The following EYS variants were observed in gnomAD, a reference collection of about 807,000 sequenced individuals.
EYS encodes EGF-like photoreceptor maintenance factor, also known as protein eyes shut homolog.
In EYS, 250 loss-of-function variants were observed where a neutral mutation model predicts 282.1. That is an observed-to-expected ratio of 0.89 (90% CI 0.80 to 0.98). The LOEUF (loss-of-function observed/expected upper bound fraction) is 0.98, where lower values mean the gene tolerates loss of function less well. Ranked by LOEUF, EYS falls within the 50% of genes least tolerant of loss-of-function variation. EYS has a pLI of 0.00. For missense variants in EYS, 4,016 were observed against 3,709.0 expected, an observed-to-expected ratio of 1.08 and a Z score of -2.15; for synonymous variants, 1,355 against 1,282.9, an observed-to-expected ratio of 1.06 and a Z score of -1.20.
chr6:65,335,708 C>G (rs1271806673), intron 10 of EYS, among the ~76,000 whole-genome samples: 3 of 151,756 alleles, frequency 2.0e-5, no homozygotes, highest in Non-Finnish European at 2.9e-5. Flanking sequence ...TCCCCACAAA[C>G]TTGCTGAATA....
At chr6:63,736,461 C>G (rs564532924) in intron 41 of EYS, among the ~76,000 whole-genome samples, 2 of 151,996 alleles carry the variant, frequency 1.3e-5, no homozygotes, top group East Asian at 1.9e-4. Flanking sequence ...TGTTTTGGTA[C>G]CAGTACCATG....
At chr6:65,426,165 G>A (rs986595318) in intron 5 of EYS, among the ~76,000 whole-genome samples, 1 of 151,948 alleles carries the variant, frequency 6.6e-6, no homozygotes, top group Non-Finnish European at 1.5e-5. Flanking sequence ...ATTTTTTGGA[G>A]GTGGGTTCTT....
chr6:63,813,179 CGT>C (rs1771092695), intron 36 of EYS, among the ~76,000 whole-genome samples: 1 of 151,980 alleles, frequency 6.6e-6, no homozygotes, highest in Non-Finnish European at 1.5e-5. Flanking sequence ...GGGGTTTCAC[CGT>C]GTTGCCCAGG....
chr6:64,233,341 G>A (rs1043696273), intron 30 of EYS, among the ~76,000 whole-genome samples: 3 of 151,908 alleles, frequency 2.0e-5, no homozygotes, highest in Admixed American at 1.3e-4. Flanking sequence ...TTTATTTTTG[G>A]AAGTTATAGA....
intron 31 of EYS, among the ~76,000 whole-genome samples, chr6:64,124,890 T>C (rs976804379): frequency 6.6e-6 from 1 of 152,156 alleles, no homozygotes; most frequent in Non-Finnish European, 1.5e-5. Context: ...TAAAGCTGAT[T>C]TAACCTCAGT....
chr6:64,928,513 A>G (rs13209160), intron 15 of EYS, among the ~76,000 whole-genome samples: 46,583 of 151,922 alleles, frequency 0.31, 8,636 homozygotes, highest in Admixed American at 0.43. Context: ...ATGGCTTTCA[A>G]TTCATTTCTA....
At chr6:63,898,081 A>G (rs1042262897) in intron 35 of EYS, among the ~76,000 whole-genome samples, 6 of 152,206 alleles carry the variant, frequency 3.9e-5, no homozygotes, top group African/African-American at 1.4e-4. Context: ...TGGCAATTAC[A>G]TCATTTTCGA....
At chr6:65,057,268 T>G (rs1773444794) in intron 13 of EYS, among the ~76,000 whole-genome samples, 1 of 152,056 alleles carries the variant, frequency 6.6e-6, no homozygotes, top group Admixed American at 6.6e-5. Context: ...AGAGAAAACT[T>G]GACAATTTCA....
chr6:64,856,843 C>T (rs373719072), intron 19 of EYS, among the ~76,000 whole-genome samples: 9 of 152,092 alleles, frequency 5.9e-5, no homozygotes, highest in African/African-American at 2.2e-4. Context: ...CATGCCAACC[C>T]TAGGTAACTT....
chr6:64,118,053 A>C (rs568002186), intron 31 of EYS, among the ~76,000 whole-genome samples: 1 of 152,238 alleles, frequency 6.6e-6, no homozygotes, highest in African/African-American at 2.4e-5. Flanking sequence ...GGACACAAAG[A>C]GATGGAAGGC....
At chr6:63,863,972 C>A (rs1221752016) in intron 36 of EYS, among the ~76,000 whole-genome samples, 2 of 152,134 alleles carry the variant, frequency 1.3e-5, no homozygotes, top group African/African-American at 4.8e-5. Context: ...CTGTACCTAG[C>A]CACCACTTTT....
intron 34 of EYS, among the ~76,000 whole-genome samples, chr6:63,996,098 TA>T (rs1430205225): frequency 1.3e-5 from 2 of 152,028 alleles, no homozygotes; most frequent in African/African-American, 4.8e-5. Context: ...AAATATATAA[TA>T]AAAAAGGAAA....
rs61575285 is a variant in EYS, at chr6:64,151,317, TTATATATATATATA to T, written c.6425-69329_6425-69316del. ...TTTTCACACGTGTGTGTGTGTATATTTATATATATATATATATATATATATATATATATATATAT... is the reference window on the plus strand; with the variant it reads ...TTTTCACACGTGTGTGTGTGTATATTTATATATATATATATATATATATAT... On this transcript the variant is annotated intron_variant, in intron 31 of 42. Transcript: ENST00000503581. Among the ~76,000 whole-genome samples, 241 of 52,444 alleles carry T rather than the reference TTATATATATATATA, an allele frequency of 4.6e-3. 4 individuals are homozygous for T. Among genetic ancestry groups the T allele is most frequent in the African/African-American group, 0.011 (119 of 10,656 alleles). 34.4% of individuals were successfully genotyped at this position (52,444 alleles called of 152,430 possible). A position where few individuals can be genotyped will look rare whatever the true frequency, so the allele number is the denominator to read the frequency against.
intron 35 of EYS, among the ~76,000 whole-genome samples, chr6:63,892,180 A>C (rs1238726014): frequency 6.6e-6 from 1 of 152,238 alleles, no homozygotes; most frequent in East Asian, 1.9e-4. Flanking sequence ...ATTTGATGCT[A>C]TTCCCATCAA....
At chr6:65,501,468 G>A (rs908101422) in intron 2 of EYS, among the ~76,000 whole-genome samples, 2 of 151,608 alleles carry the variant, frequency 1.3e-5, no homozygotes, top group African/African-American at 4.8e-5. Flanking sequence ...CTACATTTAA[G>A]AAAAACACCT....
intron 26 of EYS, among the ~76,000 whole-genome samples, chr6:64,483,974 G>A (rs1011753127): frequency 6.6e-6 from 1 of 151,658 alleles, no homozygotes; most frequent in Non-Finnish European, 1.5e-5. Context: ...ACTTTTGTAG[G>A]TGGGCATTAA....
At chr6:64,646,813 A>G (rs1196183640) in intron 22 of EYS, among the ~76,000 whole-genome samples, 1 of 152,018 alleles carries the variant, frequency 6.6e-6, no homozygotes, top group East Asian at 1.9e-4. Flanking sequence ...TAAAAGAAAA[A>G]AAAAAAAAAA....
At chr6:65,181,607 G>T (rs1049265610) in intron 12 of EYS, among the ~76,000 whole-genome samples, 2 of 152,162 alleles carry the variant, frequency 1.3e-5, no homozygotes, top group African/African-American at 4.8e-5. Context: ...CACACTGTTG[G>T]TGGGACTGTA....
In EYS at chr6:64,071,591, TAAAG is replaced by T. The variant is rs777822512; in HGVS notation, c.6572-5104_6572-5101del. The stretch of plus-strand genomic sequence containing the variant: ...TAACAAAGAAAAATCAGCTAAATCT[TAAAG>T]AATAATTTTTAAAAGGGTATATAAA... On this transcript the variant is annotated intron_variant, in intron 32 of 42. Coordinates refer to ENST00000503581, the MANE Select transcript of EYS (RefSeq NM_001142800.2). Among the ~76,000 whole-genome samples, 224 of 149,794 alleles carry T rather than the reference TAAAG, an allele frequency of 1.5e-3. 1 individual carries two copies. The highest frequency in any genetic ancestry group is 2.7e-3 in the Non-Finnish European group (179 of 67,214).
Sources: gnomAD v4.1 joint callset for allele counts (sites outside exome capture counted in the v4.1 genomes callset) on GRCh38, gnomAD v4.1.1 for gene constraint, MANE v1.5 for transcripts, NCBI Gene and HGNC (gene_info 2026-07-23, HGNC 2026-07-21) for gene names.